Variants in POTEJ observed in about 807,000 individuals in gnomAD.
POTEJ encodes POTE ankyrin domain family, member J.
A neutral mutation model predicts 69.0 loss-of-function variants in POTEJ; 11 were observed. The observed-to-expected ratio is 0.16, with a 90% CI of 0.10 to 0.26. The LOEUF (loss-of-function observed/expected upper bound fraction) is 0.26. POTEJ is among the 10% of genes least tolerant of loss of function. The pLI is 1.00. For missense variants in POTEJ, 327 were observed against 1,045.5 expected (o/e 0.31, Z 9.48); for synonymous variants, 117 against 381.1 (o/e 0.31, Z 8.07).
chr2:130,641,875 CGTCTGTGACAGAAA>C (rs1289476126), intron 10 of POTEJ, among the ~76,000 whole-genome samples: 1 of 152,220 alleles, frequency 6.6e-6, no homozygotes, highest in Non-Finnish European at 1.5e-5. Context: ...TGTGCATCAC[CGTCTGTGACAGAAA>C]GTCAGCATCC....
At chr2:130,625,341 A>G (rs1173877916) in intron 6 of POTEJ, among the ~76,000 whole-genome samples, 4 of 152,010 alleles carry the variant, frequency 2.6e-5, no homozygotes, top group African/African-American at 4.9e-5. Context: ...TTCTAATGCT[A>G]TAGACCACAA....
intron 9 of POTEJ, among the ~76,000 whole-genome samples, chr2:130,638,252 T>A (rs1168273052): frequency 2.0e-5 from 3 of 151,554 alleles, no homozygotes; most frequent in Non-Finnish European, 2.9e-5. Flanking sequence ...TAAGGCAGCA[T>A]AGTCCTCACT....
At chr2:130,645,847 T>C in intron 12 of POTEJ, 66 bp downstream of exon 12, 1 of 290,602 alleles carries the variant, frequency 3.4e-6, no homozygotes. Context: ...TAACAAAGTG[T>C]AGTAAATGTA....
At chr2:130,640,837 C>G (rs1240528407) in intron 10 of POTEJ, among the ~76,000 whole-genome samples, 1 of 152,212 alleles carries the variant, frequency 6.6e-6, no homozygotes, top group Non-Finnish European at 1.5e-5. Context: ...TCCCAATAGA[C>G]TTATGTTTTT....
intron 14 of POTEJ, among the ~76,000 whole-genome samples, chr2:130,655,496 C>T (rs1326825630): frequency 3.9e-5 from 6 of 152,244 alleles, no homozygotes; most frequent in Admixed American, 6.5e-5. Flanking sequence ...GAACAGTTTG[C>T]TCCAAGTAGT....
Position 130,631,853 on chromosome 2 carries a change from T to C in POTEJ, c.1131+400T>C, listed in dbSNP as rs185236734. ...ATGTGAAATTTGGGGAGCATCTCAT[T>C]TTCTGGAATTCCATGCTTGCACGTC... On this transcript the variant is annotated intron_variant, in intron 8 of 14. Coordinates refer to ENST00000409602, the MANE Select transcript of POTEJ (RefSeq NM_001277083.2). 3.6e-3 allele frequency among the ~76,000 whole-genome samples: 513 copies of C among 143,218 alleles called. 21 individuals carry two copies. The highest frequency in any genetic ancestry group is 0.013 in the African/African-American group (484 of 35,958). 94.0% of individuals were successfully genotyped at this position (143,218 alleles called of 152,430 possible). A position where few individuals can be genotyped will look rare whatever the true frequency, so the allele number is the denominator to read the frequency against.
Position 130,646,303 on chromosome 2 carries a change from T to C in POTEJ, c.1660T>C (p.Tyr554His), listed in dbSNP as rs1207201100. Residue 554 changes from tyrosine to histidine, a missense_variant, in exon 13 of 15, where the codon TAT becomes CAT. Coordinates refer to ENST00000409602, the MANE Select transcript of POTEJ (RefSeq NM_001277083.2). ...ATTTCCTGACACTGAGAATGAAGAG[T>C]ATCACAGGTAAGCCTATGGCAACAT... ...QQFPDTENEE[Y>H]HSDEQNDTQK... The C allele has an allele frequency of 1.1e-6, 1 of 908,090 alleles. No homozygotes were observed. Among genetic ancestry groups the C allele is most frequent in the East Asian group, 2.7e-5 (1 of 36,954 alleles). 56.3% of individuals were successfully genotyped at this position (908,090 alleles called of 1,614,324 possible).
intron 5 of POTEJ, 31 bp from the exon 6 acceptor site, chr2:130,624,033 G>C (rs1184932929): frequency 6.8e-7 from 1 of 1,471,250 alleles, no homozygotes; most frequent in Admixed American, 1.9e-5. Flanking sequence ...TATTAAAATA[G>C]TAATTTGGTT....
chr2:130,614,902 C>A (rs1417936349), intron 1 of POTEJ, among the ~76,000 whole-genome samples: 1 of 38,218 alleles, frequency 2.6e-5, no homozygotes, highest in Non-Finnish European at 5.0e-5. Context: ...ACATTTTATT[C>A]CATAATTATC....
At chr2:130,622,971 A>G (rs1305295282) in intron 5 of POTEJ, 7 of 144,502 alleles carry the variant, frequency 4.8e-5, no homozygotes, top group Admixed American at 2.0e-4. Flanking sequence ...TCATTTGACT[A>G]TTTGCTGACT....
intron 1 of POTEJ, among the ~76,000 whole-genome samples, chr2:130,612,609 A>G (rs1685252337): frequency 6.6e-6 from 1 of 150,406 alleles, no homozygotes; most frequent in Non-Finnish European, 1.5e-5. Flanking sequence ...AAATTATAAA[A>G]AAAATTAGCC....
chr2:130,637,411 A>G lies in POTEJ; in HGVS notation c.1299-1208A>G, dbSNP rs565070455. Among the ~76,000 whole-genome samples the G allele has an allele frequency of 5.8e-3, 872 of 149,566 alleles. 17 individuals carry two copies. The highest frequency in any genetic ancestry group is 0.02 in the African/African-American group (824 of 40,454). On this transcript the variant is annotated intron_variant, in intron 9 of 14. Transcript: ENST00000409602. The stretch of plus-strand genomic sequence containing the variant: ...AGTTCATTGCAACGTGGGTTCATGC[A>G]TTTCTCCTGCCTCAGCCTCCCAAGG...
Position 130,615,611 on chromosome 2 carries a change from G to A in POTEJ, c.411-1179G>A, listed in dbSNP as rs192113148. Among the ~76,000 whole-genome samples the A allele has an allele frequency of 7.4e-3, 1,041 of 141,152 alleles. 21 individuals carry two copies. The highest frequency in any genetic ancestry group is 0.029 in the African/African-American group (994 of 34,682). The allele number at this position is 141,152 out of a possible 152,430, so 92.6% of individuals were successfully genotyped here. A position where few individuals can be genotyped will look rare whatever the true frequency, so the allele number is the denominator to read the frequency against. ...ACACACTGGGGCCTATCAGAGGGTG[G>A]AGGGTGGGAAGAGGGAAAGAAGCAG... On this transcript the variant is annotated intron_variant, in intron 1 of 14. Coordinates refer to ENST00000409602, the MANE Select transcript of POTEJ (RefSeq NM_001277083.2).
intron 3 of POTEJ, among the ~76,000 whole-genome samples, chr2:130,619,709 C>T (rs1327858161): frequency 1.4e-5 from 2 of 145,084 alleles, no homozygotes; most frequent in African/African-American, 2.6e-5. Flanking sequence ...AAGATACAGC[C>T]CCTGCCCTCA....
intron 6 of POTEJ, among the ~76,000 whole-genome samples, chr2:130,624,585 A>C (rs1289811374): frequency 6.6e-6 from 1 of 152,076 alleles, no homozygotes; most frequent in African/African-American, 2.4e-5. Context: ...GTAAATACAG[A>C]TGAAGCTTCC....
intron 8 of POTEJ, 144 bp from the exon 9 acceptor site, chr2:130,632,346 A>G: frequency 1.3e-6 from 1 of 788,200 alleles, no homozygotes; most frequent in South Asian, 2.1e-5. Context: ...GTTATATGGT[A>G]ATATTTCTAT....
chr2:130,638,366 T>C (rs1234038619), intron 9 of POTEJ, among the ~76,000 whole-genome samples: 194 of 150,690 alleles, frequency 1.3e-3, no homozygotes, highest in African/African-American at 4.1e-3. Flanking sequence ...CTTTCTATTA[T>C]GTCAGGCTAA....
At chr2:130,645,295 T>G (rs1686537789) in intron 11 of POTEJ, among the ~76,000 whole-genome samples, 2 of 31,860 alleles carry the variant, frequency 6.3e-5, no homozygotes, top group Admixed American at 7.9e-4. Flanking sequence ...AAAAAAGCAC[T>G]TCAGTGCACT....
intron 9 of POTEJ, among the ~76,000 whole-genome samples, chr2:130,636,432 A>G (rs1416435144): frequency 2.8e-5 from 4 of 144,852 alleles, no homozygotes; most frequent in African/African-American, 1.0e-4. Context: ...ACCTTATGTC[A>G]TCGTTTCTTA....
Sources: gnomAD v4.1 joint callset for allele counts (sites outside exome capture counted in the v4.1 genomes callset) on GRCh38, gnomAD v4.1.1 for gene constraint, MANE v1.5 for transcripts, NCBI Gene and HGNC (gene_info 2026-07-23, HGNC 2026-07-21) for gene names.